ADCY2: variants seen among roughly 807,000 people sequenced by gnomAD.
The protein encoded by ADCY2 is adenylate cyclase type 2.
In ADCY2, 31 loss-of-function variants were observed where a neutral mutation model predicts 125.2. The observed-to-expected ratio is 0.25, with a 90% confidence interval of 0.19 to 0.33. The LOEUF (loss-of-function observed/expected upper bound fraction) is 0.33, where lower values mean the gene tolerates loss of function less well. Among genes scored for constraint, ADCY2 ranks in the 10% least tolerant of loss-of-function variants. The pLI is 1.00. For synonymous variants in ADCY2, 512 were observed against 548.4 expected, an observed-to-expected ratio of 0.93 and a Z score of 0.93; for missense variants, 904 against 1,418.2, an observed-to-expected ratio of 0.64 and a Z score of 5.82.
At chr5:7,405,560 A>G (rs149210651) in intron 1 of ADCY2, among the ~76,000 whole-genome samples, 1 of 152,120 alleles carries the variant, frequency 6.6e-6, no homozygotes, top group Non-Finnish European at 1.5e-5. Flanking sequence ...GCTTCTTTGC[A>G]TGGAGTTCAG....
Position 7,829,145 on chromosome 5 carries a change from A to C in ADCY2, c.*2274A>C, listed in dbSNP as rs1341883656. On this transcript the variant is annotated 3_prime_UTR_variant, in exon 25 of 25. Transcript: ENST00000338316. ...AGGAGCAGCCTTAGCATCCCCTGTG[A>C]ACTTATCAAAAATGCAAATTCTCAG... 1 of 152,218 alleles carries C rather than the reference A, an allele frequency of 6.6e-6. No homozygotes were observed. Among genetic ancestry groups the C allele is most frequent in the Admixed American group, 6.5e-5 (1 of 15,270 alleles). The allele number at this position is 152,218 out of a possible 1,614,324, so 9.4% of individuals were successfully genotyped here.
At chr5:7,419,771 C>T (rs1380229910) in intron 2 of ADCY2, among the ~76,000 whole-genome samples, 1 of 152,200 alleles carries the variant, frequency 6.6e-6, no homozygotes, top group Non-Finnish European at 1.5e-5. Context: ...TAACTCTAAA[C>T]TGTACAGTGG....
At chr5:7,512,748 G>T (rs1744114813) in intron 2 of ADCY2, among the ~76,000 whole-genome samples, 2 of 152,158 alleles carry the variant, frequency 1.3e-5, no homozygotes, top group Non-Finnish European at 2.9e-5. Context: ...CGACCTTAGA[G>T]CTGAGCCAGT....
intron 3 of ADCY2, among the ~76,000 whole-genome samples, chr5:7,612,217 T>G (rs1737591608): frequency 6.6e-6 from 1 of 152,196 alleles, no homozygotes; most frequent in South Asian, 2.1e-4. Flanking sequence ...GTCACCTAAT[T>G]AGGTATTTAG....
intron 3 of ADCY2, among the ~76,000 whole-genome samples, chr5:7,538,440 T>C (rs1326465547): frequency 6.6e-6 from 1 of 152,194 alleles, no homozygotes; most frequent in African/African-American, 2.4e-5. Context: ...ATGTTAAGTG[T>C]CCAATAAACG....
At chr5:7,805,372 G>C (rs1744728907) in intron 22 of ADCY2, among the ~76,000 whole-genome samples, 1 of 152,054 alleles carries the variant, frequency 6.6e-6, no homozygotes, top group African/African-American at 2.4e-5. Flanking sequence ...TGGCCACATG[G>C]AAATTTCATT....
chr5:7,557,192 G>GATATATAGATATATATATATATATAGAT (rs1204974635), intron 3 of ADCY2, among the ~76,000 whole-genome samples: 1 of 80,654 alleles, frequency 1.2e-5, no homozygotes, highest in Non-Finnish European at 3.7e-5. Flanking sequence ...TTATATATGT[G>GATATATAGATATATATATATATATAGAT]ATATATATAA....
At chr5:7,497,609 A>G (rs1429768897) in intron 2 of ADCY2, among the ~76,000 whole-genome samples, 1 of 152,178 alleles carries the variant, frequency 6.6e-6, no homozygotes, top group Non-Finnish European at 1.5e-5. Flanking sequence ...TTCATCCATA[A>G]TGAGGAGAGA....
intron 2 of ADCY2, among the ~76,000 whole-genome samples, chr5:7,459,764 A>C (rs1177668630): frequency 6.9e-6 from 1 of 144,246 alleles, no homozygotes; most frequent in African/African-American, 2.7e-5. Flanking sequence ...CTAGCAGTTT[A>C]AGAGGTAATT....
intron 14 of ADCY2, among the ~76,000 whole-genome samples, chr5:7,739,224 T>G (rs1226623043): frequency 6.6e-6 from 1 of 151,852 alleles, no homozygotes; most frequent in African/African-American, 2.4e-5. Flanking sequence ...AATCATATAG[T>G]CTGACGTCTA....
rs560030797 is a variant in ADCY2, at chr5:7,446,808, G to T, written c.408+32038G>T. ...TTTGTTTTATTTGCTTATTTTAAAA[G>T]GGGAGATGGTTTCTTTTGGCACTTA... On this transcript the variant is annotated intron_variant, in intron 2 of 24. Transcript: ENST00000338316. Among the ~76,000 whole-genome samples the T allele has an allele frequency of 3.3e-5, 5 of 152,274 alleles. No homozygotes were observed. The South Asian group carries it at 1.0e-3, about 32-fold the overall frequency.
intron 4 of ADCY2, among the ~76,000 whole-genome samples, chr5:7,639,560 C>T (rs1419146908): frequency 2.0e-5 from 3 of 152,188 alleles, no homozygotes; most frequent in Non-Finnish European, 1.5e-5. Flanking sequence ...CTTTGGACTC[C>T]TGAGTTATTC....
intron 4 of ADCY2, among the ~76,000 whole-genome samples, chr5:7,673,259 A>ATATATATATATATATATATAT (rs1222234296): frequency 1.1e-4 from 1 of 8,960 alleles, no homozygotes; most frequent in Non-Finnish European, 2.4e-4. Flanking sequence ...AAAAAAAAAA[A>ATATATATATATATATATATAT]AAAAAAAAAA....
intron 4 of ADCY2, among the ~76,000 whole-genome samples, chr5:7,665,899 T>C (rs544877919): frequency 6.3e-4 from 78 of 124,082 alleles, no homozygotes; most frequent in African/African-American, 1.9e-3. Context: ...AGTGCAGTGG[T>C]GCCATCTCGG....
At position 7,396,586 on chromosome 5, in the gene ADCY2, T is replaced by A; in HGVS notation, c.210+80T>A. 7.9e-7 allele frequency: 1 copy of A among 1,264,204 alleles called. No homozygotes were observed. Among genetic ancestry groups the A allele is most frequent in the Non-Finnish European group, 1.0e-6 (1 of 971,212 alleles). The allele number at this position is 1,264,204 out of a possible 1,614,324, so 78.3% of individuals were successfully genotyped here. Reference sequence around the variant, plus strand: ...CCCGGCCAGCCGAGCCGCGTCCCGCTCCGGGCTGCCCCTCGGCCCGCGGCA... The same window carrying A: ...CCCGGCCAGCCGAGCCGCGTCCCGCACCGGGCTGCCCCTCGGCCCGCGGCA... On this transcript the variant is annotated intron_variant, in intron 1 of 24. Coordinates refer to ENST00000338316, the MANE Select transcript of ADCY2 (RefSeq NM_020546.3). The surrounding 1 kb of genome is among the most constrained non-coding windows in gnomAD (Gnocchi z 5.7).
At chr5:7,790,750 T>G (rs971181869) in intron 20 of ADCY2, among the ~76,000 whole-genome samples, 2 of 152,186 alleles carry the variant, frequency 1.3e-5, no homozygotes, top group Non-Finnish European at 2.9e-5. Flanking sequence ...AAGAGAGTTT[T>G]GAAGACTCCA....
At chr5:7,423,663 G>T (rs773055353) in intron 2 of ADCY2, among the ~76,000 whole-genome samples, 1 of 152,264 alleles carries the variant, frequency 6.6e-6, no homozygotes. Context: ...CCAGTCTCGG[G>T]TATGTCTTTA....
At chr5:7,760,174 C>T (rs1250797968) in intron 16 of ADCY2, among the ~76,000 whole-genome samples, 3 of 152,230 alleles carry the variant, frequency 2.0e-5, no homozygotes, top group Non-Finnish European at 4.4e-5. Context: ...GGGGCATTGG[C>T]CTGAGATGCC....
intron 2 of ADCY2, among the ~76,000 whole-genome samples, chr5:7,514,618 T>C (rs1319493699): frequency 6.6e-6 from 1 of 152,180 alleles, no homozygotes; most frequent in African/African-American, 2.4e-5. Context: ...TATTTGAAAA[T>C]AGGGTCTTTG....
Sources: allele counts gnomAD v4.1 joint callset (sites outside exome capture counted in the v4.1 genomes callset), GRCh38; gene constraint gnomAD v4.1.1; non-coding constraint Gnocchi (gnomAD v3.1); transcripts MANE v1.5; gene names NCBI Gene and HGNC (gene_info 2026-07-23, HGNC 2026-07-21).